FREM1: variants seen among roughly 807,000 people sequenced by gnomAD.
FREM1 encodes the protein FRAS1-related extracellular matrix protein 1.
FREM1 carries 220 observed loss-of-function variants against 210.1 expected under a neutral mutation model. That is an observed-to-expected ratio of 1.05 (90% CI 0.94 to 1.17). The LOEUF is 1.17. Among genes scored for constraint, FREM1 ranks in the 50% most tolerant of loss-of-function variants. FREM1 has a pLI of 0.00. For missense variants in FREM1, 3,454 were observed against 2,675.5 expected (o/e 1.29, Z -6.42); for synonymous variants, 1,189 against 980.2 (o/e 1.21, Z -3.98).
intron 1 of FREM1, among the ~76,000 whole-genome samples, chr9:14,875,691 C>T (rs1233549842): frequency 2.0e-5 from 3 of 152,240 alleles, no homozygotes; most frequent in African/African-American, 7.2e-5. Context: ...AGTCATTCTC[C>T]ATCCAGCTTT....
chr9:14,819,108 G>A (rs534040234), intron 14 of FREM1, 126 bp downstream of exon 14: 1 of 565,560 alleles, frequency 1.8e-6, no homozygotes, highest in South Asian at 3.4e-5. Flanking sequence ...GACCCGTTGA[G>A]TGTGTTAAGT....
chr9:14,803,313 T>TC (rs1817689289), intron 19 of FREM1, among the ~76,000 whole-genome samples: 1 of 52,302 alleles, frequency 1.9e-5, no homozygotes, highest in Admixed American at 2.0e-4. Context: ...TCTCTTTTTC[T>TC]TTTCCCCTCC....
At chr9:14,844,407 T>C (rs1826234870) in intron 8 of FREM1, among the ~76,000 whole-genome samples, 1 of 152,088 alleles carries the variant, frequency 6.6e-6, no homozygotes, top group Non-Finnish European at 1.5e-5. Context: ...ATGTTTTTAG[T>C]AGAGATGGGG....
At chr9:14,891,280 C>T (rs1836777770) in intron 1 of FREM1, among the ~76,000 whole-genome samples, 1 of 152,172 alleles carries the variant, frequency 6.6e-6, no homozygotes, top group Non-Finnish European at 1.5e-5. Flanking sequence ...ATCATCTGTT[C>T]ATTCATTGTA....
intron 1 of FREM1, among the ~76,000 whole-genome samples, chr9:14,896,711 A>AAAC (rs931978971): frequency 5.9e-5 from 9 of 152,264 alleles, no homozygotes; most frequent in East Asian, 3.9e-4. Flanking sequence ...CTTTGGCTTA[A>AAAC]AACAACAACA....
intron 22 of FREM1, among the ~76,000 whole-genome samples, chr9:14,792,303 C>CACACACAGAG (rs369927789): frequency 5.1e-5 from 7 of 137,676 alleles, no homozygotes; most frequent in East Asian, 2.2e-4. Flanking sequence ...CACACACACA[C>CACACACAGAG]AGAGAGAGAG....
At chr9:14,899,230 C>G (rs571395573) in intron 1 of FREM1, among the ~76,000 whole-genome samples, 3 of 152,214 alleles carry the variant, frequency 2.0e-5, no homozygotes, top group Non-Finnish European at 2.9e-5. Flanking sequence ...CAGGCCATGT[C>G]CCCACAGTGA....
intron 27 of FREM1, among the ~76,000 whole-genome samples, chr9:14,760,864 T>C (rs1587773186): frequency 6.6e-6 from 1 of 152,002 alleles, no homozygotes; most frequent in East Asian, 1.9e-4. Context: ...GCCTTTTTTT[T>C]GCCATCTGTA....
At chr9:14,749,638 A>G (rs1231939439) in intron 30 of FREM1, among the ~76,000 whole-genome samples, 1 of 152,154 alleles carries the variant, frequency 6.6e-6, no homozygotes, top group Non-Finnish European at 1.5e-5. Flanking sequence ...CTGCCATCCA[A>G]AGTCATTCAT....
chr9:14,848,570 G>A (rs926296915), intron 7 of FREM1, 95 bp downstream of exon 7: 3 of 592,472 alleles, frequency 5.1e-6, no homozygotes, highest in Non-Finnish European at 8.9e-6. Flanking sequence ...CCACATGTAT[G>A]ACATAGGAAT....
chr9:14,763,831 A>G (rs7039692), intron 27 of FREM1, among the ~76,000 whole-genome samples: 148,758 of 152,310 alleles, frequency 0.98, 72,745 homozygotes, highest in Middle Eastern at 1. Context: ...AAGGAAGCAC[A>G]GGTCTTTGGT....
At position 14,737,301 on chromosome 9, in the gene FREM1, A is replaced by C; in HGVS notation, c.*95T>G. 1 of 864,028 alleles carries C rather than the reference A, an allele frequency of 1.2e-6. No homozygotes were observed. Among genetic ancestry groups the C allele is most frequent in the Non-Finnish European group, 1.8e-6 (1 of 557,278 alleles). The allele number at this position is 864,028 out of a possible 1,614,324, so 53.5% of individuals were successfully genotyped here. ...AGAATCACAAAGGTATACCCACTCA[A>C]TCATAACAATTTGTTTTCTATGGAG... On this transcript the variant is annotated 3_prime_UTR_variant, in exon 37 of 37. Transcript: ENST00000380880.
At position 14,859,219 on chromosome 9, in the gene FREM1, G is replaced by A. The variant is rs535449864; in HGVS notation, c.595C>T (p.Arg199Cys). The stretch of plus-strand genomic sequence containing the variant: ...AAAAAACTGTGTGGCTGATCTCCAC[G>A]AGGTTCTTCTGGTCGAGGCTCCCCG... The part of the protein sequence containing the change: ...VLGEPRPEEP[R>C]GDQPHSFFPE... Residue 199 changes from arginine (R) to cysteine (C), a missense_variant, in exon 4 of 37, where the codon CGT becomes TGT. Transcript: ENST00000380880. 1.8e-5 allele frequency: 29 copies of A among 1,604,336 alleles called. 1 individual carries two copies. In the South Asian group the frequency reaches 1.9e-4, roughly 10 times the overall value.
chr9:14,759,777 TA>T lies in FREM1; in HGVS notation c.5328del (p.Ile1777Ter). 6.2e-7 allele frequency: 1 copy of T among 1,606,628 alleles called. No homozygotes were observed. The highest frequency in any genetic ancestry group is 8.5e-7 in the Non-Finnish European group (1 of 1,176,008). On this transcript the variant is annotated frameshift_variant, in exon 28 of 37. Coordinates refer to ENST00000380880, the MANE Select transcript of FREM1 (RefSeq NM_001379081.2). LOFTEE classifies it high-confidence loss of function. Reference protein sequence around the residue: ...RGYSMDSAFVGIKVNQVSAAV... With the variant: ...RGYSMDSAFVXIKVNQVSAAV... The stretch of plus-strand genomic sequence containing the variant: ...TTACATTTCAGAGTCATTACCTTTA[TA>T]CCCACAAAGGCCGAGTCCATGGAAT...
intron 10 of FREM1, among the ~76,000 whole-genome samples, chr9:14,835,172 C>T (rs1824320624): frequency 6.6e-6 from 1 of 152,180 alleles, no homozygotes; most frequent in South Asian, 2.1e-4. Flanking sequence ...TTAACTTTCG[C>T]TTGGAATATT....
intron 27 of FREM1, among the ~76,000 whole-genome samples, chr9:14,766,287 A>C (rs1846388184): frequency 6.6e-6 from 1 of 152,226 alleles, no homozygotes; most frequent in South Asian, 2.1e-4. Context: ...GGATATCAGC[A>C]TTATAAAATA....
intron 15 of FREM1, among the ~76,000 whole-genome samples, chr9:14,813,289 G>A (rs1324258583): frequency 6.6e-6 from 1 of 152,038 alleles, no homozygotes; most frequent in African/African-American, 2.4e-5. Flanking sequence ...TAGGAATGGG[G>A]GAATATGGTT....
chr9:14,796,646 G>C (rs774307900), intron 21 of FREM1, among the ~76,000 whole-genome samples: 10 of 152,236 alleles, frequency 6.6e-5, no homozygotes, highest in African/African-American at 2.4e-4. Context: ...CCCCCATCCT[G>C]TTCTCGTGAT....
Position 14,860,710 on chromosome 9 carries a change from C to T in FREM1, c.330-1226G>A, listed in dbSNP as rs62641075. Reference sequence around the variant, plus strand: ...ACATATATACACACATATATACACACATATATACACATATATACACATATA... The same window carrying T: ...ACATATATACACACATATATACACATATATATACACATATATACACATATA... On this transcript the variant is annotated intron_variant, in intron 3 of 36. Transcript: ENST00000380880. 9.6e-3 allele frequency among the ~76,000 whole-genome samples: 644 copies of T among 66,800 alleles called. 29 individuals are homozygous for T. Among genetic ancestry groups the T allele is most frequent in the African/African-American group, 0.028 (318 of 11,520 alleles). The allele number at this position is 66,800 out of a possible 152,430, so 43.8% of individuals were successfully genotyped here.
Sources: allele counts gnomAD v4.1 joint callset (sites outside exome capture counted in the v4.1 genomes callset), GRCh38; gene constraint gnomAD v4.1.1; transcripts MANE v1.5; gene names NCBI Gene and HGNC (gene_info 2026-07-23, HGNC 2026-07-21).